Variants in MAN1C1 observed in about 807,000 individuals in gnomAD.
The protein encoded by MAN1C1 is mannosidase alpha class 1C member 1.
Under a neutral mutation model 71.5 loss-of-function variants are expected in MAN1C1, and 49 were observed. That is an observed-to-expected ratio of 0.69 (90% CI 0.54 to 0.87). The LOEUF is 0.87. Ranked by LOEUF, MAN1C1 falls within the 40% of genes least tolerant of loss-of-function variation. The pLI is 0.00. For synonymous variants in MAN1C1, 352 were observed against 343.7 expected (o/e 1.02, Z -0.27); for missense variants, 743 against 835.0 (o/e 0.89, Z 1.36).
chr1:25,670,937 C>T (rs763309483), intron 1 of MAN1C1, among the ~76,000 whole-genome samples: 9 of 152,150 alleles, frequency 5.9e-5, no homozygotes, highest in Non-Finnish European at 8.8e-5. Context: ...AGTGCAGTGG[C>T]GTGATCTTGG....
chr1:25,736,207 C>T (rs2046980794), intron 2 of MAN1C1, among the ~76,000 whole-genome samples: 1 of 152,116 alleles, frequency 6.6e-6, no homozygotes, highest in Non-Finnish European at 1.5e-5. Flanking sequence ...TGCCCCAGTC[C>T]CTGCCCAGCT....
At chr1:25,741,955 TGA>T (rs1572187855) in intron 2 of MAN1C1, among the ~76,000 whole-genome samples, 1 of 151,928 alleles carries the variant, frequency 6.6e-6, no homozygotes, top group Non-Finnish European at 1.5e-5. Context: ...GGGAGGGGTA[TGA>T]GAGAGGCAGT....
Position 25,736,360 on chromosome 1 carries a change from TA to T in MAN1C1, c.638-10306del, listed in dbSNP as rs529465590. Among the ~76,000 whole-genome samples the T allele has an allele frequency of 3.4e-3, 511 of 152,264 alleles. 1 individual carries two copies. Among genetic ancestry groups the T allele is most frequent in the African/African-American group, 0.012 (483 of 41,530 alleles). On this transcript the variant is annotated intron_variant, in intron 2 of 11. Coordinates refer to ENST00000374332, the MANE Select transcript of MAN1C1 (RefSeq NM_020379.4). ...TCTCTGCTGGAACTGAACCTTGTGA[TA>T]ACAGCCCCATGCATTGAGTACCTAC...
At chr1:25,718,862 G>A (rs1162965072) in intron 2 of MAN1C1, among the ~76,000 whole-genome samples, 1 of 151,686 alleles carries the variant, frequency 6.6e-6, no homozygotes, top group African/African-American at 2.4e-5. Context: ...CCACTTTTTG[G>A]CTACTATGAA....
intron 7 of MAN1C1, among the ~76,000 whole-genome samples, chr1:25,765,241 TGA>T (rs2047412701): frequency 6.6e-6 from 1 of 152,060 alleles, no homozygotes; most frequent in South Asian, 2.1e-4. Flanking sequence ...CGCTTAGGTG[TGA>T]GAGTGTGGAC....
chr1:25,729,739 T>C (rs1358311705), intron 2 of MAN1C1, among the ~76,000 whole-genome samples: 1 of 152,132 alleles, frequency 6.6e-6, no homozygotes, highest in African/African-American at 2.4e-5. Context: ...CTCCATCTCT[T>C]GACCTCATGA....
chr1:25,768,215 T>G (rs1341589958), intron 7 of MAN1C1, among the ~76,000 whole-genome samples: 1 of 53,612 alleles, frequency 1.9e-5, no homozygotes, highest in Non-Finnish European at 3.5e-5. Flanking sequence ...CCCTCACACA[T>G]ACACACATTA....
In MAN1C1 at chr1:25,778,394, G is replaced by A; in HGVS notation, c.1477+70G>A. ...ACACCAGGAAGAACTGGAAAGACCG[G>A]CAGCAGTGAGCGAAGGGAGCACATG... On this transcript the variant is annotated intron_variant, in intron 9 of 11. Transcript: ENST00000374332. The surrounding 1 kb of genome is among the most constrained non-coding windows in gnomAD (Gnocchi z 5.5). 6.8e-7 allele frequency: 1 copy of A among 1,463,764 alleles called. No individual in the cohort carries two copies. 90.7% of individuals were successfully genotyped at this position (1,463,764 alleles called of 1,614,324 possible).
intron 2 of MAN1C1, among the ~76,000 whole-genome samples, chr1:25,698,903 G>T (rs777842279): frequency 6.6e-6 from 1 of 150,666 alleles, no homozygotes; most frequent in African/African-American, 2.4e-5. Context: ...AGTGGAGATC[G>T]CGCCACTGCA....
At chr1:25,763,589 C>G (rs561938526) in intron 6 of MAN1C1, 10 of 360,344 alleles carry the variant, frequency 2.8e-5, no homozygotes, top group Non-Finnish European at 4.6e-5. Context: ...GGATAGGAGT[C>G]GGCCAGGCAG....
chr1:25,676,337 C>A (rs531392541), intron 1 of MAN1C1, among the ~76,000 whole-genome samples: 1 of 152,124 alleles, frequency 6.6e-6, no homozygotes, highest in Non-Finnish European at 1.5e-5. Flanking sequence ...TCTACTCCCC[C>A]GCTTCACCTC....
intron 1 of MAN1C1, among the ~76,000 whole-genome samples, chr1:25,626,513 C>A (rs1416920294): frequency 6.6e-6 from 1 of 152,056 alleles, no homozygotes; most frequent in Non-Finnish European, 1.5e-5. Flanking sequence ...TGTCCGCCAC[C>A]ACGCCTGGCT....
rs770858844 is a variant in MAN1C1, at chr1:25,617,859, A to G, written c.62A>G (p.Gln21Arg). 1.9e-6 allele frequency: 3 copies of G among 1,606,576 alleles called. No individual in the cohort carries two copies. Among genetic ancestry groups the G allele is most frequent in the Non-Finnish European group, 1.7e-6 (2 of 1,177,442 alleles). ...PASPWGLRLP[Q>R]KFLFLLFLSG... ...TCCCCGTGGGGGCTGCGGCTGCCGC[A>G]GAAGTTCCTCTTCCTCCTCTTCCTC... Residue 21 changes from glutamine (Q) to arginine (R), a missense_variant, in exon 1 of 12, where the codon CAG becomes CGG. Gln to Arg is a conservative substitution (Grantham distance 43, BLOSUM62 1). Transcript: ENST00000374332. This position sits in a 1 kb window ranked among gnomAD's most constrained non-coding sequence, Gnocchi z 5.1.
At chr1:25,684,044 A>T (rs2046193357) in intron 1 of MAN1C1, among the ~76,000 whole-genome samples, 1 of 152,112 alleles carries the variant, frequency 6.6e-6, no homozygotes, top group African/African-American at 2.4e-5. Context: ...GATACCTATG[A>T]TTCTCGTAGT....
Position 25,733,181 on chromosome 1 carries a change from C to T in MAN1C1, c.638-13487C>T, listed in dbSNP as rs2046933314. Among the ~76,000 whole-genome samples, 2 of 152,308 alleles carry T rather than the reference C, an allele frequency of 1.3e-5. 1 individual carries two copies. On this transcript the variant is annotated intron_variant, in intron 2 of 11. Coordinates refer to ENST00000374332, the MANE Select transcript of MAN1C1 (RefSeq NM_020379.4). Reference sequence around the variant, plus strand: ...CAGCTGCCTTCACAGGGTCTCAAAGCACAGACCCAGGTGCTCCTGCCCCCG... The same window carrying T: ...CAGCTGCCTTCACAGGGTCTCAAAGTACAGACCCAGGTGCTCCTGCCCCCG...
chr1:25,630,452 T>A (rs568700581), intron 1 of MAN1C1, among the ~76,000 whole-genome samples: 5 of 152,340 alleles, frequency 3.3e-5, no homozygotes, highest in African/African-American at 1.2e-4. Context: ...ATGTTGTTAT[T>A]TTGTTTGGGA....
intron 1 of MAN1C1, among the ~76,000 whole-genome samples, chr1:25,678,401 G>A (rs1295101937): frequency 1.3e-5 from 2 of 152,196 alleles, no homozygotes; most frequent in African/African-American, 4.8e-5. Flanking sequence ...AAATATAAGT[G>A]ATGATTGTTC....
intron 2 of MAN1C1, among the ~76,000 whole-genome samples, chr1:25,709,368 T>C (rs545770672): frequency 6.6e-6 from 1 of 152,332 alleles, no homozygotes; most frequent in Admixed American, 6.5e-5. Flanking sequence ...CCCTCAATGC[T>C]GGCATGTAGT....
At chr1:25,665,790 A>G (rs921035205) in intron 1 of MAN1C1, among the ~76,000 whole-genome samples, 4 of 151,552 alleles carry the variant, frequency 2.6e-5, no homozygotes, top group Admixed American at 6.6e-5. Flanking sequence ...TATCACCAGA[A>G]GTACTCAAAA....
Sources: gnomAD v4.1 joint callset for allele counts (sites outside exome capture counted in the v4.1 genomes callset) on GRCh38, gnomAD v4.1.1 for gene constraint, Gnocchi (gnomAD v3.1) non-coding constraint, MANE v1.5 for transcripts, NCBI Gene and HGNC (gene_info 2026-07-23, HGNC 2026-07-21) for gene names.